Variants in CCAR2 observed in about 807,000 individuals in gnomAD.
The protein encoded by CCAR2 is cell cycle and apoptosis regulator protein 2.
A neutral mutation model predicts 108.1 loss-of-function variants in CCAR2; 21 were observed. The observed-to-expected ratio is 0.19, with a 90% CI of 0.14 to 0.28. The LOEUF is 0.28. Among genes scored for constraint, CCAR2 ranks in the 10% least tolerant of loss-of-function variants. The pLI, the probability that CCAR2 is intolerant of heterozygous loss-of-function variation, is 1.00. For synonymous variants in CCAR2, 577 were observed against 472.8 expected (o/e 1.22, Z -2.86); for missense variants, 1,126 against 1,177.0 (o/e 0.96, Z 0.63).
At position 22,614,978 on chromosome 8, in the gene CCAR2, T is replaced by C; in HGVS notation, c.1182T>C (p.Ile394=). Residue 394 remains isoleucine, a synonymous_variant, in exon 11 of 21, where the codon ATT becomes ATC. Coordinates refer to ENST00000308511, the MANE Select transcript of CCAR2 (RefSeq NM_001393997.1). ...GCTGTGCGCAGGCCCAGACTGGCAT[T>C]GATTTGAGCGGCTGTACCAAGTGGT... ...AIRCAQAQTG[I]DLSGCTKWWR... is the part of the protein sequence containing the mutation. 2 of 1,593,356 alleles carry C rather than the reference T, an allele frequency of 1.3e-6. No individual in the cohort carries two copies. Among genetic ancestry groups the C allele is most frequent in the Non-Finnish European group, 8.6e-7 (1 of 1,169,478 alleles).
At chr8:22,617,100 C>T (rs1801552372) in intron 14 of CCAR2, among the ~76,000 whole-genome samples, 2 of 151,574 alleles carry the variant, frequency 1.3e-5, no homozygotes, top group Admixed American at 6.6e-5. Context: ...GTCTTGAACT[C>T]CTGACCTCAG....
chr8:22,615,182 C>T (rs1273355490), intron 11 of CCAR2, 181 bp downstream of exon 11: 5 of 944,378 alleles, frequency 5.3e-6, no homozygotes, highest in Non-Finnish European at 7.7e-6. Flanking sequence ...AGCCACCAGG[C>T]TGCACTTGAG....
At chr8:22,611,516 CTGT>C (rs1450118550) in intron 7 of CCAR2, among the ~76,000 whole-genome samples, 1 of 151,682 alleles carries the variant, frequency 6.6e-6, no homozygotes, top group Non-Finnish European at 1.5e-5. Flanking sequence ...TTAAAGGTAA[CTGT>C]TGTTAACAGG....
At chr8:22,609,377 C>T (rs998596347) in intron 7 of CCAR2, among the ~76,000 whole-genome samples, 1 of 152,154 alleles carries the variant, frequency 6.6e-6, no homozygotes, top group Non-Finnish European at 1.5e-5. Flanking sequence ...GTCTCGAACT[C>T]CTGGGCTCAA....
Position 22,614,910 on chromosome 8 carries a change from G to T in CCAR2, c.1114G>T (p.Asp372Tyr), listed in dbSNP as rs527350374. 1 of 1,613,722 alleles carries T rather than the reference G, an allele frequency of 6.2e-7. No individual in the cohort carries two copies. Among genetic ancestry groups the T allele is most frequent in the South Asian group, 1.1e-5 (1 of 91,024 alleles). ...ATGGTCTCCTTCCCTGGATGGCCTC[G>T]ACCCCCAGGCTGACCCGCAGGTGCT... ...GEWSPSLDGL[D>Y]PQADPQVLVR... The change falls in exon 11 of 21, where the codon GAC becomes TAC. Residue 372 changes from aspartate to tyrosine, a missense_variant. This residue lies in a region of CCAR2 where 1,013 missense variants were observed against 993.9 expected (regional missense o/e 1.02). Transcript: ENST00000308511.
chr8:22,605,550 C>A, intron 1 of CCAR2, 186 bp from the exon 2 acceptor site: 1 of 579,946 alleles, frequency 1.7e-6, no homozygotes, highest in East Asian at 2.8e-5. Flanking sequence ...TCAGGGCAAA[C>A]TGGAACAATG....
Position 22,619,861 on chromosome 8 carries a change from A to T in CCAR2, c.*179A>T. On this transcript the variant is annotated 3_prime_UTR_variant, in exon 21 of 21. Coordinates refer to ENST00000308511, the MANE Select transcript of CCAR2 (RefSeq NM_001393997.1). ...CAGGCTGGGGGCTGTGCTATGTGGG[A>T]TGGATGTGTGAGGAACCCCGGTTCC... 1.6e-6 allele frequency: 1 copy of T among 635,278 alleles called. No individual in the cohort carries two copies. The highest frequency in any genetic ancestry group is 2.8e-6 in the Non-Finnish European group (1 of 362,896). The allele number at this position is 635,278 out of a possible 1,614,324, so 39.4% of individuals were successfully genotyped here.
chr8:22,606,278 T>G (rs2117409876), intron 3 of CCAR2, 102 bp downstream of exon 3: 1 of 1,042,240 alleles, frequency 9.6e-7, no homozygotes, highest in South Asian at 1.3e-5. Context: ...TCATTCCTGA[T>G]CCCTCTCCTG....
intron 15 of CCAR2, 28 bp from the exon 16 acceptor site, chr8:22,617,668 C>T (rs1801578682): frequency 1.2e-6 from 2 of 1,614,020 alleles, no homozygotes; most frequent in South Asian, 1.1e-5. Flanking sequence ...GTGGGCCCTG[C>T]TCTCCATTTA....
At chr8:22,610,962 A>G (rs1801249429) in intron 7 of CCAR2, among the ~76,000 whole-genome samples, 1 of 152,204 alleles carries the variant, frequency 6.6e-6, no homozygotes, top group African/African-American at 2.4e-5. Flanking sequence ...TGCACTTATA[A>G]CGTAGTTATA....
At position 22,614,578 on chromosome 8, in the gene CCAR2, C is replaced by T. The variant is rs1167796348; in HGVS notation, c.1041+75C>T. 5 of 1,376,650 alleles carry T rather than the reference C, an allele frequency of 3.6e-6. No homozygotes were observed. The Admixed American group carries it at 7.0e-5, about 19-fold the overall frequency. 85.3% of individuals were successfully genotyped at this position (1,376,650 alleles called of 1,614,324 possible). ...CCTGTCATGTTTTGAGTGTTCGGCT[C>T]CTGTTCCTGAATGCATAAAACGAGG... On this transcript the variant is annotated intron_variant, in intron 10 of 20. Transcript: ENST00000308511.
At position 22,608,012 on chromosome 8, in the gene CCAR2, C is replaced by T; in HGVS notation, c.531C>T (p.His177=). 1.9e-6 allele frequency: 3 copies of T among 1,614,074 alleles called. No homozygotes were observed. Among genetic ancestry groups the T allele is most frequent in the Non-Finnish European group, 2.5e-6 (3 of 1,180,024 alleles). The change falls in exon 7 of 21, where the codon CAC becomes CAT. Residue 177 remains histidine, a synonymous_variant. Transcript: ENST00000308511. The part of the protein sequence containing the change: ...FQTSHTLHLS[H]LNRFPARGPH... ...CATCCCACACACTTCACCTGAGCCACCTGAACAGATTTCCTGCCCGGGGCC... is the reference window on the plus strand; with the variant it reads ...CATCCCACACACTTCACCTGAGCCATCTGAACAGATTTCCTGCCCGGGGCC...
chr8:22,617,613 C>T, intron 15 of CCAR2, 49 bp downstream of exon 15: 3 of 1,610,768 alleles, frequency 1.9e-6, no homozygotes, highest in Non-Finnish European at 2.5e-6. Context: ...ATGTGGCTTT[C>T]CACCTGTGGC....
intron 9 of CCAR2, 34 bp from the exon 10 acceptor site, chr8:22,614,356 C>T: frequency 6.2e-7 from 1 of 1,613,808 alleles, no homozygotes; most frequent in Non-Finnish European, 8.5e-7. Flanking sequence ...TTTCTGGAGG[C>T]TGAAGGCAGC....
intron 7 of CCAR2, among the ~76,000 whole-genome samples, chr8:22,610,950 A>G (rs981123451): frequency 2.6e-5 from 4 of 152,304 alleles, no homozygotes; most frequent in African/African-American, 7.2e-5. Context: ...ACCCATATCT[A>G]TTGCACTTAT....
At chr8:22,614,773 T>TCATCCTGATG (rs756374181) in intron 10 of CCAR2, 65 bp from the exon 11 acceptor site, 1 of 1,602,442 alleles carries the variant, frequency 6.2e-7, no homozygotes, top group Non-Finnish European at 8.5e-7. Flanking sequence ...GTGGCAGCCT[T>TCATCCTGATG]GCCCTGCAGT....
chr8:22,609,565 A>G (rs1242997211), intron 7 of CCAR2, among the ~76,000 whole-genome samples: 1 of 152,164 alleles, frequency 6.6e-6, no homozygotes, highest in Non-Finnish European at 1.5e-5. Context: ...AAGTATATAA[A>G]TATATCCAGT....
At chr8:22,606,817 G>A (rs1801097913) in intron 4 of CCAR2, 93 bp from the exon 5 acceptor site, 2 of 1,499,540 alleles carry the variant, frequency 1.3e-6, no homozygotes, top group Non-Finnish European at 9.3e-7. Flanking sequence ...CAAGGTGTGG[G>A]AAATCTTGAT....
Position 22,619,644 on chromosome 8 carries a change from A to G in CCAR2, c.2734A>G (p.Ser912Gly). Residue 912 changes from serine (S) to glycine (G), a missense_variant, in exon 21 of 21, where the codon AGC becomes GGC. Ser to Gly is a moderately conservative substitution (Grantham distance 56). Coordinates refer to ENST00000308511, the MANE Select transcript of CCAR2 (RefSeq NM_001393997.1). ...EIQRVVEKAD[S>G]WVEKEEPAPS... ...CATCATCTGTTTCAAACAGGCTGAC[A>G]GCTGGGTGGAGAAGGAGGAGCCGGC... The G allele has an allele frequency of 6.4e-7, 1 of 1,573,896 alleles. No homozygotes were observed. Among genetic ancestry groups the G allele is most frequent in the Non-Finnish European group, 8.6e-7 (1 of 1,159,140 alleles).
Sources: gnomAD v4.1 joint callset for allele counts (sites outside exome capture counted in the v4.1 genomes callset) on GRCh38, gnomAD v4.1.1 for gene constraint, gnomAD v4.1.1 regional missense constraint, MANE v1.5 for transcripts, NCBI Gene and HGNC (gene_info 2026-07-23, HGNC 2026-07-21) for gene names.